The following C8orf89 variants were observed in gnomAD, a reference collection of about 807,000 sequenced individuals.
The protein encoded by C8orf89 is chromosome 8 open reading frame 89.
Under a neutral mutation model 15.8 loss-of-function variants are expected in C8orf89, and 14 were observed. That is an observed-to-expected ratio of 0.89 (90% CI 0.59 to 1.39). The LOEUF is 1.39. Ranked by LOEUF, C8orf89 falls within the 40% of genes most tolerant of loss-of-function variation. The pLI, the probability that C8orf89 is intolerant of heterozygous loss-of-function variation, is 0.00. For missense variants in C8orf89, 181 were observed against 184.5 expected (o/e 0.98, Z 0.11); for synonymous variants, 55 against 62.2 (o/e 0.88, Z 0.54).
the C8orf89 span, among the ~76,000 whole-genome samples, chr8:73,270,034 T>C: frequency 6.6e-6 from 1 of 152,232 alleles, no homozygotes; most frequent in Non-Finnish European, 1.5e-5. Flanking sequence ...TTCCTGTTAA[T>C]ATAAGAACCT....
At chr8:73,252,949 G>A (rs1343832638) in intron 2 of C8orf89, among the ~76,000 whole-genome samples, 1 of 152,164 alleles carries the variant, frequency 6.6e-6, no homozygotes, top group African/African-American at 2.4e-5. Context: ...ACACCATCCT[G>A]GCTAACAGGG....
chr8:73,260,868 C>G (rs1453909671), upstream of C8orf89, among the ~76,000 whole-genome samples: 1 of 152,176 alleles, frequency 6.6e-6, no homozygotes, highest in African/African-American at 2.4e-5. Flanking sequence ...AGAGGCAGAT[C>G]CACCCTTAAT....
the C8orf89 span, among the ~76,000 whole-genome samples, chr8:73,280,473 C>T: frequency 6.6e-6 from 1 of 152,142 alleles, no homozygotes; most frequent in African/African-American, 2.4e-5. Context: ...CAGGTTCAAG[C>T]AGTTGTCCTG....
At chr8:73,267,837 T>C in the C8orf89 span, among the ~76,000 whole-genome samples, 1 of 152,124 alleles carries the variant, frequency 6.6e-6, no homozygotes, top group African/African-American at 2.4e-5. Flanking sequence ...TAGTTGAAAG[T>C]CCCTGGAGAA....
chr8:73,272,933 A>G, the C8orf89 span, among the ~76,000 whole-genome samples: 1 of 152,224 alleles, frequency 6.6e-6, no homozygotes, highest in Admixed American at 6.5e-5. Context: ...ACTGTTTGAA[A>G]TGGAAATCTA....
At chr8:73,270,450 G>T in the C8orf89 span, among the ~76,000 whole-genome samples, 2 of 152,172 alleles carry the variant, frequency 1.3e-5, no homozygotes, top group African/African-American at 4.8e-5. Flanking sequence ...TAAACAAACA[G>T]ATTTGGGGAG....
chr8:73,276,832 A>C, the C8orf89 span, among the ~76,000 whole-genome samples: 2 of 28,748 alleles, frequency 7.0e-5, no homozygotes, highest in Admixed American at 4.2e-4. Context: ...TTTTTTTGAG[A>C]GGGAGTCTCA....
chr8:73,256,130 A>AAATAATAATAATAATAAT (rs71268002), intron 2 of C8orf89, among the ~76,000 whole-genome samples: 2 of 147,980 alleles, frequency 1.4e-5, no homozygotes, highest in African/African-American at 5.0e-5. Context: ...AATAAATAAC[A>AAATAATAATAATAATAAT]AATAATAATA....
At chr8:73,253,939 A>C (rs1298964398) in intron 2 of C8orf89, among the ~76,000 whole-genome samples, 5 of 151,386 alleles carry the variant, frequency 3.3e-5, no homozygotes, top group Admixed American at 1.3e-4. Context: ...TCTCCTGCCT[A>C]ATTGCCCTGG....
upstream of C8orf89, among the ~76,000 whole-genome samples, chr8:73,261,916 C>A (rs2130297707): frequency 6.6e-6 from 1 of 152,288 alleles, no homozygotes; most frequent in Non-Finnish European, 1.5e-5. Context: ...ATGCTGCCAC[C>A]ACCCTCTCTA....
chr8:73,280,742 T>C, the C8orf89 span, among the ~76,000 whole-genome samples: 16,930 of 150,094 alleles, frequency 0.11, 1,011 homozygotes, highest in East Asian at 0.14. Flanking sequence ...CATATATATA[T>C]ACACACACAC....
At chr8:73,261,834 C>G (rs1257120689), upstream of C8orf89, among the ~76,000 whole-genome samples, 3 of 152,122 alleles carry the variant, frequency 2.0e-5, no homozygotes, top group Admixed American at 6.5e-5. Flanking sequence ...GCAGCTCCAA[C>G]CTGTCCTGCC....
At chr8:73,252,626 A>G (rs1416279182) in intron 2 of C8orf89, among the ~76,000 whole-genome samples, 3 of 152,210 alleles carry the variant, frequency 2.0e-5, no homozygotes, top group African/African-American at 7.2e-5. Flanking sequence ...TTATATTACC[A>G]GAATTTATTT....
the C8orf89 span, among the ~76,000 whole-genome samples, chr8:73,270,237 C>T: frequency 6.6e-6 from 1 of 152,106 alleles, no homozygotes; most frequent in Non-Finnish European, 1.5e-5. Context: ...ATCCCAATAC[C>T]AAACATCTAA....
At chr8:73,259,284 G>A in intron 1 of C8orf89, 48 bp downstream of exon 1, 1 of 1,205,582 alleles carries the variant, frequency 8.3e-7, no homozygotes, top group South Asian at 1.8e-5. Flanking sequence ...GGAAATTCAA[G>A]GCACTATTTC....
chr8:73,244,591 CAAAA>C (rs199960240), intron 3 of C8orf89, among the ~76,000 whole-genome samples: 1 of 151,596 alleles, frequency 6.6e-6, no homozygotes, highest in African/African-American at 2.4e-5. Context: ...TTTCAAGTGT[CAAAA>C]AAAAGCACTA....
the C8orf89 span, among the ~76,000 whole-genome samples, chr8:73,281,912 C>A: frequency 1.3e-5 from 2 of 152,206 alleles, no homozygotes; most frequent in African/African-American, 4.8e-5. Flanking sequence ...TGCCTTTCTG[C>A]TGACTGGATT....
chr8:73,283,625 AAGAT>A, the C8orf89 span, among the ~76,000 whole-genome samples: 1 of 152,260 alleles, frequency 6.6e-6, no homozygotes, highest in Non-Finnish European at 1.5e-5. Context: ...TGTTGACAAA[AAGAT>A]AAATCATTCA....
Position 73,242,966 on chromosome 8 carries a change from A to C in C8orf89, c.338-1361T>G, listed in dbSNP as rs1813037603. Among the ~76,000 whole-genome samples, 3 of 152,010 alleles carry C rather than the reference A, an allele frequency of 2.0e-5. No homozygotes were observed. The South Asian group carries it at 6.2e-4, about 32-fold the overall frequency. ...TGGTACATATACACAATGGAGTACT[A>C]TTCAGCCATAAAAAAATGAGATCCT... On this transcript the variant is annotated intron_variant, in intron 3 of 3. Transcript: ENST00000624510.
Sources: allele counts gnomAD v4.1 joint callset (sites outside exome capture counted in the v4.1 genomes callset), GRCh38; gene constraint gnomAD v4.1.1; transcripts MANE v1.5; gene names NCBI Gene and HGNC (gene_info 2026-07-23, HGNC 2026-07-21).